CD300LB: variants seen among roughly 807,000 people sequenced by gnomAD.
The protein encoded by CD300LB is CD300 molecule like family member b.
CD300LB carries 18 observed loss-of-function variants against 20.8 expected under a neutral mutation model. That is an observed-to-expected ratio of 0.87 (90% CI 0.60 to 1.28). The LOEUF (loss-of-function observed/expected upper bound fraction) is 1.28, where lower values mean the gene tolerates loss of function less well. CD300LB is among the 50% of genes most tolerant of loss of function. CD300LB has a pLI of 0.00. For missense variants in CD300LB, 222 were observed against 251.8 expected, an observed-to-expected ratio of 0.88 and a Z score of 0.80; for synonymous variants, 91 against 91.3, an observed-to-expected ratio of 1.00 and a Z score of 0.02.
Position 74,522,914 on chromosome 17 carries a change from T to A in CD300LB, c.444-14A>T, listed in dbSNP as rs373464799. ...ATGTAGTGGTTCCTGGGGAAGGGGA[T>A]GCAGTGGTCAGAGCCCTGGGCATCC... On this transcript the variant is annotated splice_polypyrimidine_tract_variant and intron_variant, in intron 3 of 3. Transcript: ENST00000392621. 5.0e-6 allele frequency: 8 copies of A among 1,612,204 alleles called. No individual in the cohort carries two copies. The highest frequency in any genetic ancestry group is 1.3e-5 in the African/African-American group (1 of 74,992).
At chr17:74,530,550 A>AAC (rs67278106) in intron 1 of CD300LB, among the ~76,000 whole-genome samples, 8,524 of 142,932 alleles carry the variant, frequency 0.06, 467 homozygotes, top group African/African-American at 0.15. Flanking sequence ...CAGGTCCCCC[A>AAC]ACACACACAC....
intron 1 of CD300LB, among the ~76,000 whole-genome samples, chr17:74,528,959 C>T (rs1908115598): frequency 1.3e-5 from 2 of 151,860 alleles, no homozygotes; most frequent in South Asian, 4.2e-4. Context: ...TGGTGAAACC[C>T]TGTGTCTGCA....
intron 1 of CD300LB, 137 bp from the exon 2 acceptor site, chr17:74,526,214 C>A (rs973654553): frequency 1.6e-6 from 2 of 1,266,384 alleles, no homozygotes; most frequent in Non-Finnish European, 2.2e-6. Flanking sequence ...GTTGCCTGAG[C>A]CAGTTTGGTG....
In CD300LB at chr17:74,523,645, G is replaced by T; in HGVS notation, c.377C>A (p.Ala126Glu). 1 of 1,611,162 alleles carries T rather than the reference G, an allele frequency of 6.2e-7. No individual in the cohort carries two copies. Among genetic ancestry groups the T allele is most frequent in the Non-Finnish European group, 8.5e-7 (1 of 1,177,292 alleles). Reference sequence around the variant, plus strand: ...AGGTGAGCTTGCTGTTGTGGAAGCCGCTCCCTCTAGACACAGGCAAAGTCA... The same window carrying T: ...AGGTGAGCTTGCTGTTGTGGAAGCCTCTCCCTCTAGACACAGGCAAAGTCA... ...QVKVIVDPEG[A>E]ASTTASSPTN... The change falls in exon 3 of 4, where the codon GCG (alanine) becomes GAG (glutamate). Residue 126 changes from alanine to glutamate, a missense_variant. Ala to Glu is a moderately radical substitution (Grantham distance 107). Coordinates refer to ENST00000392621, the MANE Select transcript of CD300LB (RefSeq NM_174892.4).
rs1405869436 is a variant in CD300LB at position 74,526,023 on chromosome 17, A to G, written c.95T>C (p.Leu32Pro). 3 of 1,614,076 alleles carry G rather than the reference A, an allele frequency of 1.9e-6. No individual in the cohort carries two copies. The highest frequency in any genetic ancestry group is 2.5e-6 in the Non-Finnish European group (3 of 1,180,042). Residue 32 changes from leucine to proline, a missense_variant, in exon 2 of 4, where the codon CTG (leucine) becomes CCG (proline). Leu to Pro is a moderately conservative substitution (Grantham distance 98). Transcript: ENST00000392621. ...ESVRAPEQGS[L>P]TVQCHYKQGW... ...TTGCTTATAGTGGCATTGAACCGTC[A>G]GGGACCCCTGCTCTGGGGCTCTCAC...
chr17:74,527,590 G>A (rs960715310), intron 1 of CD300LB, among the ~76,000 whole-genome samples: 10 of 152,246 alleles, frequency 6.6e-5, no homozygotes, highest in African/African-American at 1.9e-4. Context: ...GGACTCTGCC[G>A]ATGTGATGAA....
Position 74,521,640 on chromosome 17 carries a change from A to G in CD300LB, c.*1098T>C, listed in dbSNP as rs1355303278. 4 of 985,342 alleles carry G rather than the reference A, an allele frequency of 4.1e-6. No individual in the cohort carries two copies. Among genetic ancestry groups the G allele is most frequent in the Non-Finnish European group, 4.8e-6 (4 of 829,948 alleles). The allele number at this position is 985,342 out of a possible 1,614,324, so 61.0% of individuals were successfully genotyped here. On this transcript the variant is annotated 3_prime_UTR_variant, in exon 4 of 4. Coordinates refer to ENST00000392621, the MANE Select transcript of CD300LB (RefSeq NM_174892.4). ...CCACTGCTGACAGTCAGTACTCCCT[A>G]TTAGAACCAAGAGCAGGTTGGAGGC...
At chr17:74,526,169 C>T (rs1908030876) in intron 1 of CD300LB, 92 bp from the exon 2 acceptor site, 4 of 1,513,438 alleles carry the variant, frequency 2.6e-6, no homozygotes, top group Non-Finnish European at 3.6e-6. Flanking sequence ...GATGGAGAAA[C>T]AGCCTGGAAA....
rs79886608 is a variant in CD300LB, at chr17:74,522,912, G to A, written c.444-12C>T. 3,654 of 1,612,376 alleles carry A rather than the reference G, an allele frequency of 2.3e-3. 87 individuals are homozygous for A. The African/African-American group carries it at 0.042, about 19-fold the overall frequency. ...GCATGTAGTGGTTCCTGGGGAAGGG[G>A]ATGCAGTGGTCAGAGCCCTGGGCAT... On this transcript the variant is annotated splice_polypyrimidine_tract_variant and intron_variant, in intron 3 of 3. Transcript: ENST00000392621.
chr17:74,528,069 A>G (rs1225880308), intron 1 of CD300LB, among the ~76,000 whole-genome samples: 5 of 151,864 alleles, frequency 3.3e-5, no homozygotes, highest in African/African-American at 1.2e-4. Flanking sequence ...ATGATGTGTC[A>G]CTGTCTCCCA....
chr17:74,529,711 A>G (rs1443054969), intron 1 of CD300LB, among the ~76,000 whole-genome samples: 4 of 152,124 alleles, frequency 2.6e-5, no homozygotes, highest in African/African-American at 9.7e-5. Context: ...AATCACTCGA[A>G]CCTGGGAGGC....
chr17:74,528,033 C>T (rs887906119), intron 1 of CD300LB, among the ~76,000 whole-genome samples: 3 of 151,824 alleles, frequency 2.0e-5, no homozygotes, highest in Non-Finnish European at 4.4e-5. Flanking sequence ...CTAGATTGCA[C>T]ACACTTTATG....
At chr17:74,525,670 G>T in intron 2 of CD300LB, 78 bp downstream of exon 2, 4 of 1,218,020 alleles carry the variant, frequency 3.3e-6, no homozygotes, top group Non-Finnish European at 4.7e-6. Flanking sequence ...TTTCAGCCTT[G>T]GAGGGGAGCA....
intron 1 of CD300LB, among the ~76,000 whole-genome samples, chr17:74,528,691 T>A (rs138709967): frequency 2.7e-3 from 413 of 152,160 alleles, no homozygotes; most frequent in African/African-American, 9.3e-3. Flanking sequence ...CAGCATGACA[T>A]CAGAGAGAGT....
intron 2 of CD300LB, among the ~76,000 whole-genome samples, 177 bp downstream of exon 2, chr17:74,525,571 A>C (rs923437723): frequency 4.6e-5 from 7 of 151,664 alleles, no homozygotes; most frequent in Non-Finnish European, 1.0e-4. Flanking sequence ...ACTCTCCCTT[A>C]GTTTCTGTCA....
intron 1 of CD300LB, among the ~76,000 whole-genome samples, chr17:74,527,356 CTT>C (rs1345963348): frequency 6.6e-6 from 1 of 152,270 alleles, no homozygotes; most frequent in Non-Finnish European, 1.5e-5. Context: ...TTGACTGTCT[CTT>C]GGCCTCAGAG....
rs972312717 is a variant in CD300LB, at chr17:74,521,637, C to T, written c.*1101G>A. On this transcript the variant is annotated 3_prime_UTR_variant, in exon 4 of 4. Transcript: ENST00000392621. ...TATCCACTGCTGACAGTCAGTACTCCCTATTAGAACCAAGAGCAGGTTGGA... is the reference window on the plus strand; with the variant it reads ...TATCCACTGCTGACAGTCAGTACTCTCTATTAGAACCAAGAGCAGGTTGGA... The T allele has an allele frequency of 1.2e-5, 12 of 985,298 alleles. No homozygotes were observed. The highest frequency in any genetic ancestry group is 1.4e-5 in the Non-Finnish European group (12 of 829,952). 61.0% of individuals were successfully genotyped at this position (985,298 alleles called of 1,614,324 possible).
At chr17:74,528,634 G>GTTT (rs60203034) in intron 1 of CD300LB, among the ~76,000 whole-genome samples, 1 of 148,848 alleles carries the variant, frequency 6.7e-6, no homozygotes, top group Non-Finnish European at 1.5e-5. Context: ...ATGCTCCTCA[G>GTTT]TTTTTTTTTT....
At chr17:74,529,751 C>T (rs1908145257) in intron 1 of CD300LB, among the ~76,000 whole-genome samples, 1 of 152,194 alleles carries the variant, frequency 6.6e-6, no homozygotes, top group Non-Finnish European at 1.5e-5. Flanking sequence ...GGTTGCACCA[C>T]TGCACTCCAA....
Sources: allele counts gnomAD v4.1 joint callset (sites outside exome capture counted in the v4.1 genomes callset), GRCh38; gene constraint gnomAD v4.1.1; transcripts MANE v1.5; gene names NCBI Gene and HGNC (gene_info 2026-07-23, HGNC 2026-07-21).